Variants in KCNIP1 observed in about 807,000 individuals in gnomAD.
KCNIP1 encodes the protein potassium voltage-gated channel interacting protein 1.
KCNIP1 carries 18 observed loss-of-function variants against 33.0 expected under a neutral mutation model. The ratio of observed to expected loss-of-function variants is 0.55; its 90% CI spans 0.38 to 0.81. The LOEUF (loss-of-function observed/expected upper bound fraction) is 0.81, where lower values mean the gene tolerates loss of function less well. Among genes scored for constraint, KCNIP1 ranks in the 30% least tolerant of loss-of-function variants. The pLI is 0.00. For missense variants in KCNIP1, 238 were observed against 271.6 expected (o/e 0.88, Z 0.87); for synonymous variants, 93 against 98.3 (o/e 0.95, Z 0.32).
intron 1 of KCNIP1, among the ~76,000 whole-genome samples, chr5:170,491,727 C>T (rs1757210540): frequency 6.6e-6 from 1 of 152,166 alleles, no homozygotes; most frequent in Non-Finnish European, 1.5e-5. Flanking sequence ...GCATCTAGAC[C>T]TACAGGGGAG....
intron 1 of KCNIP1, among the ~76,000 whole-genome samples, chr5:170,605,235 A>G (rs939485030): frequency 6.6e-6 from 1 of 152,052 alleles, no homozygotes; most frequent in Non-Finnish European, 1.5e-5. Context: ...GGTGCTGCTC[A>G]TCTGAGTCCC....
intron 1 of KCNIP1, among the ~76,000 whole-genome samples, chr5:170,515,025 C>A (rs1012300464): frequency 1.3e-5 from 2 of 152,130 alleles, no homozygotes; most frequent in South Asian, 2.1e-4. Flanking sequence ...AGGCACTGAT[C>A]CCCCTATTTT....
intron 1 of KCNIP1, among the ~76,000 whole-genome samples, chr5:170,593,452 G>A (rs988063409): frequency 5.9e-5 from 9 of 152,180 alleles, no homozygotes; most frequent in African/African-American, 2.2e-4. Flanking sequence ...TTACTTTGGA[G>A]GGGTGTGTGG....
chr5:170,487,792 A>T (rs1278091065), intron 1 of KCNIP1, among the ~76,000 whole-genome samples: 1 of 152,160 alleles, frequency 6.6e-6, no homozygotes, highest in African/African-American at 2.4e-5. Context: ...TGCTGGGATT[A>T]CAGGCATGAA....
chr5:170,365,343 C>G (rs1415716256), intron 1 of KCNIP1, among the ~76,000 whole-genome samples: 2 of 152,226 alleles, frequency 1.3e-5, no homozygotes, highest in Non-Finnish European at 2.9e-5. Context: ...GTCCGTCTGT[C>G]CATCCACACT....
intron 1 of KCNIP1, among the ~76,000 whole-genome samples, chr5:170,513,340 C>T (rs1349884543): frequency 6.6e-6 from 1 of 152,198 alleles, no homozygotes; most frequent in East Asian, 1.9e-4. Flanking sequence ...GACATCCGAA[C>T]CCCAGCCCTG....
At chr5:170,372,044 C>G (rs1373474131) in intron 1 of KCNIP1, among the ~76,000 whole-genome samples, 1 of 152,132 alleles carries the variant, frequency 6.6e-6, no homozygotes, top group African/African-American at 2.4e-5. Flanking sequence ...CACAAGACTG[C>G]CCCCATTCAA....
intron 1 of KCNIP1, among the ~76,000 whole-genome samples, chr5:170,437,041 T>C (rs2113456214): frequency 6.6e-6 from 1 of 152,336 alleles, no homozygotes; most frequent in South Asian, 2.1e-4. Flanking sequence ...TATGTGATTT[T>C]TTGCCAAGTT....
chr5:170,483,294 T>C (rs577018684), intron 1 of KCNIP1: 1 of 273,518 alleles, frequency 3.7e-6, no homozygotes, highest in Admixed American at 5.0e-5. Flanking sequence ...CAACATTCCC[T>C]CCCCAGGAGG....
chr5:170,616,286 A>G (rs1326183969), intron 1 of KCNIP1, among the ~76,000 whole-genome samples: 1 of 143,904 alleles, frequency 6.9e-6, no homozygotes, highest in Non-Finnish European at 1.5e-5. Flanking sequence ...TTATTTAGTC[A>G]ACAATGTTTT....
intron 1 of KCNIP1, among the ~76,000 whole-genome samples, chr5:170,395,873 GC>G (rs1754748895): frequency 6.6e-6 from 1 of 152,188 alleles, no homozygotes; most frequent in African/African-American, 2.4e-5. Context: ...ACAGATAATG[GC>G]CATCATTATC....
intron 1 of KCNIP1, among the ~76,000 whole-genome samples, chr5:170,384,762 A>G (rs1764396459): frequency 3.3e-5 from 5 of 152,226 alleles, no homozygotes; most frequent in Admixed American, 2.6e-4. Flanking sequence ...TATGTCATGG[A>G]GCAAGGGCAT....
At chr5:170,682,663 T>C (rs1342798072) in intron 1 of KCNIP1, among the ~76,000 whole-genome samples, 4 of 152,116 alleles carry the variant, frequency 2.6e-5, no homozygotes, top group African/African-American at 7.2e-5. Flanking sequence ...ATATACCAAC[T>C]GAGCAGAGCC....
chr5:170,369,442 G>A (rs1763785958), intron 1 of KCNIP1, among the ~76,000 whole-genome samples: 1 of 152,168 alleles, frequency 6.6e-6, no homozygotes, highest in African/African-American at 2.4e-5. Flanking sequence ...CTCATCCCTG[G>A]ACAACTAAGT....
intron 1 of KCNIP1, among the ~76,000 whole-genome samples, chr5:170,582,398 G>A (rs1307279414): frequency 6.6e-6 from 1 of 152,202 alleles, no homozygotes; most frequent in East Asian, 1.9e-4. Context: ...ATGAGAAATA[G>A]AGAAAATACC....
At chr5:170,531,197 G>A (rs758781853) in intron 1 of KCNIP1, among the ~76,000 whole-genome samples, 17 of 152,018 alleles carry the variant, frequency 1.1e-4, no homozygotes, top group Non-Finnish European at 2.2e-4. Flanking sequence ...GTATACTAGG[G>A]GATCAACGAG....
chr5:170,703,168 A>G (rs75825537), intron 1 of KCNIP1, among the ~76,000 whole-genome samples: 10,402 of 137,350 alleles, frequency 0.076, 1,839 homozygotes, highest in Middle Eastern at 0.15. Context: ...GACCCCAAAA[A>G]ATGAAGTTCT....
chr5:170,556,826 G>C (rs1234041772), intron 1 of KCNIP1, among the ~76,000 whole-genome samples: 3 of 152,228 alleles, frequency 2.0e-5, no homozygotes, highest in Non-Finnish European at 4.4e-5. Flanking sequence ...AGTATTTCTA[G>C]ACCCTCATTC....
chr5:170,666,994 C>G (rs901124112), intron 1 of KCNIP1, among the ~76,000 whole-genome samples: 3 of 152,194 alleles, frequency 2.0e-5, no homozygotes, highest in Non-Finnish European at 4.4e-5. Flanking sequence ...AGAGAAAGGC[C>G]TGGTAAGAAA....
Sources: allele counts gnomAD v4.1 joint callset (sites outside exome capture counted in the v4.1 genomes callset), GRCh38; gene constraint gnomAD v4.1.1; transcripts MANE v1.5; gene names NCBI Gene and HGNC (gene_info 2026-07-23, HGNC 2026-07-21).